The following DENND2A variants were observed in gnomAD, a reference collection of about 807,000 sequenced individuals.
DENND2A encodes DENN domain-containing protein 2A.
DENND2A carries 53 observed loss-of-function variants against 105.3 expected under a neutral mutation model. That is an observed-to-expected ratio of 0.50 (90% CI 0.40 to 0.63). The LOEUF (loss-of-function observed/expected upper bound fraction) is 0.63. Ranked by LOEUF, DENND2A falls within the 30% of genes least tolerant of loss-of-function variation. DENND2A has a pLI of 0.00. For missense variants in DENND2A, 1,138 were observed against 1,279.6 expected, an observed-to-expected ratio of 0.89 and a Z score of 1.69; for synonymous variants, 522 against 508.4, an observed-to-expected ratio of 1.03 and a Z score of -0.36.
chr7:140,620,165 C>T (rs1447476826), intron 1 of DENND2A, among the ~76,000 whole-genome samples: 1 of 151,730 alleles, frequency 6.6e-6, no homozygotes, highest in Admixed American at 6.6e-5. Flanking sequence ...CACTGCACTC[C>T]AGCCTGAGCG....
At chr7:140,519,472 A>C (rs569754998) in intron 19 of DENND2A, among the ~76,000 whole-genome samples, 160 bp downstream of exon 19, 2 of 152,292 alleles carry the variant, frequency 1.3e-5, no homozygotes, top group African/African-American at 4.8e-5. Context: ...TTGGGGACAG[A>C]TTAGAACAGG....
chr7:140,540,150 G>C (rs1236705637), intron 14 of DENND2A, among the ~76,000 whole-genome samples: 1 of 152,186 alleles, frequency 6.6e-6, no homozygotes, highest in Non-Finnish European at 1.5e-5. Context: ...TCTCACACTC[G>C]CACACCATTA....
intron 1 of DENND2A, among the ~76,000 whole-genome samples, chr7:140,616,078 CAAT>C (rs1266402706): frequency 6.6e-6 from 1 of 152,042 alleles, no homozygotes; most frequent in East Asian, 1.9e-4. Context: ...CAGAATAGGC[CAAT>C]CCTGGCCGGG....
rs370523306 is a variant in DENND2A, at chr7:140,544,761, G to T, written c.2184C>A (p.Ile728=). Residue 728 remains isoleucine (I), a synonymous_variant, in exon 14 of 20, where the codon ATC becomes ATA. Coordinates refer to ENST00000496613, the MANE Select transcript of DENND2A (RefSeq NM_015689.5). ...GGGAGTCCAGCGGGCGGCACAGTTC[G>T]ATCACCTGCCAGGGAACAGGAGCAG... ...NFLPGSGTEV[I]ELCRPLDSRL... The T allele has an allele frequency of 5.7e-6, 9 of 1,573,764 alleles. No individual in the cohort carries two copies. Among genetic ancestry groups the T allele is most frequent in the Non-Finnish European group, 7.8e-6 (9 of 1,159,470 alleles).
At chr7:140,570,400 C>T (rs1179960486) in intron 6 of DENND2A, among the ~76,000 whole-genome samples, 3 of 152,096 alleles carry the variant, frequency 2.0e-5, no homozygotes, top group Non-Finnish European at 4.4e-5. Context: ...AGCTTTTCCT[C>T]CCAAAACAAA....
In DENND2A at chr7:140,574,094, T is replaced by C; in HGVS notation, c.1246-86A>G. The C allele has an allele frequency of 2.1e-5, 31 of 1,488,004 alleles. No homozygotes were observed. The South Asian group carries it at 2.9e-4, about 14-fold the overall frequency. 92.2% of individuals were successfully genotyped at this position (1,488,004 alleles called of 1,614,324 possible). On this transcript the variant is annotated intron_variant, in intron 5 of 19. Transcript: ENST00000496613. ...ACTGGTGGTGCCAGGGACGAGACAA[T>C]GAAATTGAGAAGAGGAACTGGTCTA...
At chr7:140,623,574 A>G (rs1284177409) in intron 1 of DENND2A, among the ~76,000 whole-genome samples, 2 of 149,424 alleles carry the variant, frequency 1.3e-5, no homozygotes, top group Admixed American at 1.3e-4. Flanking sequence ...CTAAAAATAC[A>G]AAAATTAGCC....
At chr7:140,562,056 A>T (rs1357873525) in intron 9 of DENND2A, among the ~76,000 whole-genome samples, 1 of 150,088 alleles carries the variant, frequency 6.7e-6, no homozygotes, top group Non-Finnish European at 1.5e-5. Flanking sequence ...CGCCTGAATA[A>T]TTTTTGTATT....
rs201053452 is a variant in DENND2A, at chr7:140,546,882, T to C, written c.2095A>G (p.Met699Val). 1.9e-6 allele frequency: 3 copies of C among 1,614,060 alleles called. No individual in the cohort carries two copies. In the African/African-American group the frequency reaches 4.0e-5, roughly 22 times the overall value. Residue 699 changes from methionine to valine, a missense_variant, in exon 13 of 20, where the codon ATG (methionine) becomes GTG (valine). Coordinates refer to ENST00000496613, the MANE Select transcript of DENND2A (RefSeq NM_015689.5). ...AAAGGGGCTTCCATGACACTTCTCA[T>C]GAGTGGCTGAACCAGGGCAGGAGAG... ...GISPALVQPL[M>V]RSVMEAPFPA...
In DENND2A at chr7:140,568,309, C is replaced by G. The variant is rs146245660; in HGVS notation, c.1591+454G>C. ...GCAGAAAACTCACTAAAGCCTTGGC[C>G]TAGACTATTTAATTTTAGACCCATA... is the stretch of plus-strand genomic sequence containing the variant. On this transcript the variant is annotated intron_variant, in intron 8 of 19. Transcript: ENST00000496613. Among the ~76,000 whole-genome samples, 48 of 152,304 alleles carry G rather than the reference C, an allele frequency of 3.2e-4. No individual in the cohort carries two copies. The East Asian group carries it at 8.9e-3, about 28-fold the overall frequency.
At position 140,523,081 on chromosome 7, in the gene DENND2A, C is replaced by T. The variant is rs974559931; in HGVS notation, c.2665+226G>A. Among the ~76,000 whole-genome samples the T allele has an allele frequency of 1.3e-5, 2 of 152,106 alleles. No homozygotes were observed. The highest frequency in any genetic ancestry group is 2.1e-4 in the South Asian group (1 of 4,832). On this transcript the variant is annotated intron_variant, in intron 17 of 19. Coordinates refer to ENST00000496613, the MANE Select transcript of DENND2A (RefSeq NM_015689.5). This position sits in a 1 kb window ranked among gnomAD's most constrained non-coding sequence, Gnocchi z 4.5. ...TGCCACCATGCCCAGATAATTTCCA[C>T]GCCCCCCTTTTAAACAGGTACTTTA...
At chr7:140,521,434 G>A (rs1023803323) in intron 18 of DENND2A, among the ~76,000 whole-genome samples, 59 of 151,890 alleles carry the variant, frequency 3.9e-4, no homozygotes, top group African/African-American at 1.4e-3. Flanking sequence ...CCATCACACC[G>A]ATCTAATTTT....
intron 5 of DENND2A, among the ~76,000 whole-genome samples, chr7:140,578,201 G>T (rs908808158): frequency 2.0e-5 from 3 of 152,218 alleles, no homozygotes; most frequent in African/African-American, 7.2e-5. Flanking sequence ...GTTGTTTCAG[G>T]AGAGTGGCCA....
intron 1 of DENND2A, among the ~76,000 whole-genome samples, chr7:140,613,670 T>TA (rs1019747103): frequency 0.046 from 5,324 of 116,368 alleles, 243 homozygotes; most frequent in African/African-American, 0.17. Flanking sequence ...CCCTTAAAAT[T>TA]AAAAAAAAAA....
intron 14 of DENND2A, among the ~76,000 whole-genome samples, chr7:140,539,192 G>A (rs1262011229): frequency 6.6e-6 from 1 of 152,224 alleles, no homozygotes; most frequent in African/African-American, 2.4e-5. Flanking sequence ...ACCCTTGTTT[G>A]TCATGGCCTG....
intron 5 of DENND2A, among the ~76,000 whole-genome samples, chr7:140,574,508 C>T (rs1350611155): frequency 6.6e-6 from 1 of 152,090 alleles, no homozygotes; most frequent in East Asian, 1.9e-4. Flanking sequence ...CATGAGCCAC[C>T]ACACCTGGCC....
rs187375272 is a variant in DENND2A, at chr7:140,560,485, T to C, written c.1780-668A>G. Among the ~76,000 whole-genome samples, 31 of 152,306 alleles carry C rather than the reference T, an allele frequency of 2.0e-4. No homozygotes were observed. In the East Asian group the frequency reaches 6.0e-3, roughly 29 times the overall value. ...CTCTTTATGATATTCTAGCACATCA[T>C]ACAGTATCTGACATATCAAAGACTG... On this transcript the variant is annotated intron_variant, in intron 9 of 19. Transcript: ENST00000496613.
At chr7:140,626,013 T>C (rs1279947327) in intron 1 of DENND2A, among the ~76,000 whole-genome samples, 2 of 152,176 alleles carry the variant, frequency 1.3e-5, no homozygotes, top group Non-Finnish European at 2.9e-5. Context: ...AAGCTTACTA[T>C]TGCCTCCCCT....
chr7:140,612,073 C>T (rs1043373705), intron 1 of DENND2A, among the ~76,000 whole-genome samples: 1 of 151,980 alleles, frequency 6.6e-6, no homozygotes, highest in Non-Finnish European at 1.5e-5. Flanking sequence ...AACCCCGTCT[C>T]TACTAAAAAT....
Sources: allele counts gnomAD v4.1 joint callset (sites outside exome capture counted in the v4.1 genomes callset), GRCh38; gene constraint gnomAD v4.1.1; non-coding constraint Gnocchi (gnomAD v3.1); transcripts MANE v1.5; gene names NCBI Gene and HGNC (gene_info 2026-07-23, HGNC 2026-07-21).